DTNB: variants seen among roughly 807,000 people sequenced by gnomAD.
DTNB encodes the protein dystrobrevin beta, also known as DTN-B.
Under a neutral mutation model 90.7 loss-of-function variants are expected in DTNB, and 63 were observed. That is an observed-to-expected ratio of 0.69 (90% CI 0.57 to 0.86). DTNB has a LOEUF of 0.86. Among genes scored for constraint, DTNB ranks in the 40% least tolerant of loss-of-function variants. The pLI is 0.00. For synonymous variants in DTNB, 277 were observed against 286.7 expected (o/e 0.97, Z 0.34); for missense variants, 744 against 807.1 (o/e 0.92, Z 0.95).
intron 14 of DTNB, among the ~76,000 whole-genome samples, chr2:25,432,577 T>G (rs2292225): frequency 0.56 from 85,865 of 152,014 alleles, 25,493 homozygotes; most frequent in Non-Finnish European, 0.67. Flanking sequence ...AATTAGCAAG[T>G]TAAGAGACAG....
At chr2:25,470,368 A>G (rs2062565019) in intron 10 of DTNB, among the ~76,000 whole-genome samples, 1 of 149,630 alleles carries the variant, frequency 6.7e-6, no homozygotes, top group African/African-American at 2.5e-5. Context: ...CTTACACGAC[A>G]ATTTTTTTTT....
intron 4 of DTNB, among the ~76,000 whole-genome samples, chr2:25,616,008 G>A (rs528269234): frequency 6.6e-6 from 1 of 152,158 alleles, no homozygotes; most frequent in Non-Finnish European, 1.5e-5. Context: ...CTTTTATTTT[G>A]TTGGCAGTGA....
intron 20 of DTNB, among the ~76,000 whole-genome samples, 155 bp from the exon 21 acceptor site, chr2:25,377,708 C>T (rs757333835): frequency 1.9e-4 from 29 of 152,166 alleles, no homozygotes; most frequent in Non-Finnish European, 4.0e-4. Context: ...TACCTAGGGT[C>T]CTCTGCCATC....
chr2:25,440,794 T>C (rs1315523243), intron 12 of DTNB, among the ~76,000 whole-genome samples: 1 of 152,216 alleles, frequency 6.6e-6, no homozygotes, highest in African/African-American at 2.4e-5. Context: ...TATCCCATAT[T>C]TTATTTCTCT....
intron 4 of DTNB, among the ~76,000 whole-genome samples, chr2:25,608,645 G>C (rs942867246): frequency 2.0e-5 from 3 of 152,194 alleles, no homozygotes; most frequent in African/African-American, 7.2e-5. Flanking sequence ...TAAAAGGAAT[G>C]GGTTTCTAAG....
rs150673619 is a variant in DTNB at position 25,478,537 on chromosome 2, T to C, written c.1079+4259A>G. Among the ~76,000 whole-genome samples the C allele has an allele frequency of 1.2e-3, 182 of 152,236 alleles. 2 individuals carry two copies. The highest frequency in any genetic ancestry group is 4.0e-3 in the African/African-American group (168 of 41,558). On this transcript the variant is annotated intron_variant, in intron 10 of 20. Transcript: ENST00000406818. Reference sequence around the variant, plus strand: ...TCTCTCTCTTCTTCTTCTTCTTTTTTTTTTAGAGACAGAGTCTCGCTATGT... The same window carrying C: ...TCTCTCTCTTCTTCTTCTTCTTTTTCTTTTAGAGACAGAGTCTCGCTATGT...
At chr2:25,416,683 T>G (rs1186628585) in intron 16 of DTNB, among the ~76,000 whole-genome samples, 3 of 151,842 alleles carry the variant, frequency 2.0e-5, no homozygotes, top group East Asian at 3.9e-4. Context: ...AGAAAAAAAT[T>G]TTCCCTACCT....
chr2:25,628,216 T>A lies in DTNB; in HGVS notation c.317A>T (p.Gln106Leu). ...LPSTHQISVE[Q>L]SISLLLNFMI... ...AAAGTTGAGGAGGAGGCTGATAGAT[T>A]GTTCCACACTAATTTGGTGAGTAGA... Residue 106 changes from glutamine (Q) to leucine (L), a missense_variant, in exon 4 of 21, where the codon CAA becomes CTA. By Grantham distance (113) the Gln-to-Leu change is moderately radical. Coordinates refer to ENST00000406818, the MANE Select transcript of DTNB (RefSeq NM_021907.5). 1 of 1,613,768 alleles carries A rather than the reference T, an allele frequency of 6.2e-7. No homozygotes were observed. The highest frequency in any genetic ancestry group is 8.5e-7 in the Non-Finnish European group (1 of 1,179,810).
chr2:25,593,497 C>T (rs879584160), intron 6 of DTNB, among the ~76,000 whole-genome samples: 5 of 152,122 alleles, frequency 3.3e-5, no homozygotes, highest in Non-Finnish European at 5.9e-5. Context: ...ATTTCTATTT[C>T]CCCTGAGGGT....
intron 9 of DTNB, among the ~76,000 whole-genome samples, chr2:25,525,617 CA>C (rs2076945052): frequency 6.7e-6 from 1 of 148,614 alleles, no homozygotes; most frequent in Non-Finnish European, 1.5e-5. Context: ...GCCTCGGCAA[CA>C]AGAGCGAAAT....
At chr2:25,381,214 T>C (rs546861264) in intron 19 of DTNB, among the ~76,000 whole-genome samples, 9 of 151,490 alleles carry the variant, frequency 5.9e-5, no homozygotes, top group South Asian at 2.1e-4. Flanking sequence ...TGTGCGTGTG[T>C]GTGCGCGTGT....
chr2:25,408,267 C>A (rs1313198788), intron 16 of DTNB, among the ~76,000 whole-genome samples: 2 of 152,048 alleles, frequency 1.3e-5, no homozygotes, highest in Non-Finnish European at 2.9e-5. Flanking sequence ...CGAGATCGTG[C>A]CATTGCACTC....
At chr2:25,494,628 G>C (rs2068380478) in intron 9 of DTNB, among the ~76,000 whole-genome samples, 2 of 152,144 alleles carry the variant, frequency 1.3e-5, no homozygotes, top group South Asian at 4.1e-4. Flanking sequence ...TGTTACCTTT[G>C]CTTAGATCTC....
intron 3 of DTNB, among the ~76,000 whole-genome samples, chr2:25,633,617 A>G (rs1409835248): frequency 1.7e-4 from 25 of 144,238 alleles, no homozygotes; most frequent in African/African-American, 5.2e-4. Flanking sequence ...GTCTCTGCCT[A>G]GCCGCCCATC....
At chr2:25,514,753 C>T (rs1257075232) in intron 9 of DTNB, among the ~76,000 whole-genome samples, 1 of 140,416 alleles carries the variant, frequency 7.1e-6, no homozygotes, top group Non-Finnish European at 1.5e-5. Context: ...CAGTGGCTCT[C>T]GGCTACTGAA....
chr2:25,521,803 A>G (rs2076183094), intron 9 of DTNB, among the ~76,000 whole-genome samples: 1 of 152,256 alleles, frequency 6.6e-6, no homozygotes, highest in Non-Finnish European at 1.5e-5. Flanking sequence ...ATCATGAGGG[A>G]CAGGTTGGCC....
In DTNB at chr2:25,424,445, G is replaced by A. The variant is rs767559302; in HGVS notation, c.1554+3090C>T. 3.9e-5 allele frequency among the ~76,000 whole-genome samples: 6 copies of A among 152,078 alleles called. No homozygotes were observed. The highest frequency in any genetic ancestry group is 7.4e-5 in the Non-Finnish European group (5 of 68,010). On this transcript the variant is annotated intron_variant, in intron 15 of 20. Transcript: ENST00000406818. The surrounding 1 kb of genome is among the most constrained non-coding windows in gnomAD (Gnocchi z 4.1). ...GCCACAGTGGCATGCATGGGGCTTG[G>A]GGTCAGTAGTTCTGGGGATCACTAA...
chr2:25,433,775 T>C, intron 13 of DTNB, 135 bp downstream of exon 13: 1 of 887,730 alleles, frequency 1.1e-6, no homozygotes, highest in East Asian at 2.6e-5. Flanking sequence ...TCCCTGGACT[T>C]GGGCTAGCCT....
At chr2:25,509,085 C>T (rs1304058297) in intron 9 of DTNB, among the ~76,000 whole-genome samples, 2 of 152,136 alleles carry the variant, frequency 1.3e-5, no homozygotes, top group Admixed American at 6.5e-5. Context: ...TTTCTATGTA[C>T]ACAATCACGT....
Sources: allele counts gnomAD v4.1 joint callset (sites outside exome capture counted in the v4.1 genomes callset), GRCh38; gene constraint gnomAD v4.1.1; non-coding constraint Gnocchi (gnomAD v3.1); transcripts MANE v1.5; gene names NCBI Gene and HGNC (gene_info 2026-07-23, HGNC 2026-07-21).